Variants in COL5A1 observed in about 807,000 individuals in gnomAD.
COL5A1 encodes collagen type V alpha 1 chain, also known as collagen alpha-1(V) chain.
A neutral mutation model predicts 263.7 loss-of-function variants in COL5A1; 16 were observed. That is an observed-to-expected ratio of 0.06 (90% confidence interval 0.04 to 0.09). COL5A1 has a LOEUF of 0.09. Among genes scored for constraint, COL5A1 ranks in the 10% least tolerant of loss-of-function variants. COL5A1 has a pLI of 1.00. For missense variants in COL5A1, 2,036 were observed against 2,540.5 expected, an observed-to-expected ratio of 0.80 and a Z score of 4.27; for synonymous variants, 1,012 against 1,004.5, an observed-to-expected ratio of 1.01 and a Z score of -0.14.
intron 65 of COL5A1, among the ~76,000 whole-genome samples, chr9:134,839,922 G>T (rs1185096317): frequency 6.6e-6 from 1 of 152,270 alleles, no homozygotes; most frequent in African/African-American, 2.4e-5. Flanking sequence ...TGGGACAGCA[G>T]CATCCCAGCT....
At chr9:134,655,362 C>T (rs749334115) in intron 1 of COL5A1, among the ~76,000 whole-genome samples, 1 of 151,926 alleles carries the variant, frequency 6.6e-6, no homozygotes, top group Non-Finnish European at 1.5e-5. Context: ...CCCGGGAGGC[C>T]CCCAGCCGGG....
intron 64 of COL5A1, among the ~76,000 whole-genome samples, chr9:134,830,559 C>T (rs11103540): frequency 0.55 from 83,553 of 151,998 alleles, 24,137 homozygotes; most frequent in Non-Finnish European, 0.65. Context: ...GACACAGATC[C>T]CAGACCACTT....
chr9:134,774,228 G>T (rs764410051), intron 26 of COL5A1, among the ~76,000 whole-genome samples: 60 of 152,252 alleles, frequency 3.9e-4, no homozygotes, highest in Non-Finnish European at 6.5e-4. Flanking sequence ...GGGCCTCAGA[G>T]CTGCAGCCTT....
rs758710664 is a variant in COL5A1 at position 134,652,764 on chromosome 9, G to T, written c.109+10468G>T. The T allele has an allele frequency of 2.1e-6, 1 of 470,436 alleles. No individual in the cohort carries two copies. The allele number at this position is 470,436 out of a possible 1,614,324, so 29.1% of individuals were successfully genotyped here. A position where few individuals can be genotyped will look rare whatever the true frequency, so the allele number is the denominator to read the frequency against. ...AGGAGGGAGGGCCTCTTCTTAGGCCGGGTCCAGCGTTTCTCCTCATGGTGT... is the reference window on the plus strand; with the variant it reads ...AGGAGGGAGGGCCTCTTCTTAGGCCTGGTCCAGCGTTTCTCCTCATGGTGT... On this transcript the variant is annotated intron_variant, in intron 1 of 65. Transcript: ENST00000371817. This position sits in a 1 kb window ranked among gnomAD's most constrained non-coding sequence, Gnocchi z 4.4.
In COL5A1 at chr9:134,696,803, G is replaced by T. The variant is rs1253214813; in HGVS notation, c.278-3106G>T. Reference sequence around the variant, plus strand: ...TGAAAAGCTCTGGCCGGGCGGGGTGGCTCACACCTGTAATCCCAGCACTTT... The same window carrying T: ...TGAAAAGCTCTGGCCGGGCGGGGTGTCTCACACCTGTAATCCCAGCACTTT... On this transcript the variant is annotated intron_variant, in intron 2 of 65. Transcript: ENST00000371817. This position sits in a 1 kb window ranked among gnomAD's most constrained non-coding sequence, Gnocchi z 4.3. 2.6e-5 allele frequency among the ~76,000 whole-genome samples: 4 copies of T among 152,098 alleles called. No individual in the cohort carries two copies. The highest frequency in any genetic ancestry group is 1.9e-4 in the East Asian group (1 of 5,170).
At chr9:134,662,881 T>TTTAGATA (rs1832252101) in intron 1 of COL5A1, among the ~76,000 whole-genome samples, 1 of 152,224 alleles carries the variant, frequency 6.6e-6, no homozygotes, top group African/African-American at 2.4e-5. Flanking sequence ...CCTGGGGCTG[T>TTTAGATA]TAGCTATAGT....
Position 134,655,689 on chromosome 9 carries a change from A to T in COL5A1, c.109+13393A>T, listed in dbSNP as rs186351266. Among the ~76,000 whole-genome samples, 6 of 152,194 alleles carry T rather than the reference A, an allele frequency of 3.9e-5. No individual in the cohort carries two copies. In the East Asian group the frequency reaches 1.2e-3, roughly 29 times the overall value. On this transcript the variant is annotated intron_variant, in intron 1 of 65. Transcript: ENST00000371817. Reference sequence around the variant, plus strand: ...TGACTTGCAGGAGTCTGCTGAGCCCATGGAATTGAGCTGGGCTTGTGAAAG... The same window carrying T: ...TGACTTGCAGGAGTCTGCTGAGCCCTTGGAATTGAGCTGGGCTTGTGAAAG...
intron 4 of COL5A1, among the ~76,000 whole-genome samples, chr9:134,707,940 C>A (rs955226629): frequency 1.3e-4 from 20 of 152,280 alleles, no homozygotes; most frequent in Non-Finnish European, 2.9e-5. Flanking sequence ...CTGGCGGCTC[C>A]GGGACGTGAG....
At chr9:134,723,521 T>C (rs1017050063) in intron 4 of COL5A1, among the ~76,000 whole-genome samples, 2 of 152,236 alleles carry the variant, frequency 1.3e-5, no homozygotes, top group South Asian at 2.1e-4. Flanking sequence ...TCCTGGCCAC[T>C]GCTTCTGTGG....
intron 4 of COL5A1, among the ~76,000 whole-genome samples, chr9:134,726,892 T>A (rs1038298939): frequency 6.6e-6 from 1 of 151,354 alleles, no homozygotes; most frequent in Non-Finnish European, 1.5e-5. Context: ...GGTGAATGGA[T>A]GGATAGATGG....
In COL5A1 at chr9:134,842,484, A is replaced by G; in HGVS notation, c.*181A>G. The G allele has an allele frequency of 1.4e-6, 1 of 725,986 alleles. No homozygotes were observed. The highest frequency in any genetic ancestry group is 1.8e-5 in the South Asian group (1 of 56,582). The allele number at this position is 725,986 out of a possible 1,614,324, so 45.0% of individuals were successfully genotyped here. A position where few individuals can be genotyped will look rare whatever the true frequency, so the allele number is the denominator to read the frequency against. On this transcript the variant is annotated 3_prime_UTR_variant, in exon 66 of 66. Coordinates refer to ENST00000371817, the MANE Select transcript of COL5A1 (RefSeq NM_000093.5). This position sits in a 1 kb window ranked among gnomAD's most constrained non-coding sequence, Gnocchi z 5.8. ...CCCCAGCCCGGAGAGAACAGAGGGA[A>G]GGAGCCGCGCCCCCACCTGGAGCTG...
In COL5A1 at chr9:134,647,251, T is replaced by G. The variant is rs964607477; in HGVS notation, c.109+4955T>G. Among the ~76,000 whole-genome samples the G allele has an allele frequency of 6.6e-6, 1 of 152,158 alleles. No homozygotes were observed. Among genetic ancestry groups the G allele is most frequent in the Non-Finnish European group, 1.5e-5 (1 of 68,018 alleles). ...TTTGCCTTCCTTGGCCTCGGTTCTT[T>G]GCTTTCCCACGGAACCTCATGGGGT... On this transcript the variant is annotated intron_variant, in intron 1 of 65. Transcript: ENST00000371817. The surrounding 1 kb of genome is among the most constrained non-coding windows in gnomAD (Gnocchi z 5.0).
chr9:134,835,021 C>G lies in COL5A1; in HGVS notation c.5187C>G (p.Thr1729=). 1 of 1,613,760 alleles carries G rather than the reference C, an allele frequency of 6.2e-7. No individual in the cohort carries two copies. The highest frequency in any genetic ancestry group is 8.5e-7 in the Non-Finnish European group (1 of 1,180,042). The part of the protein sequence containing the change: ...EGNPVGVVQM[T]FLRLLSASAH... Reference sequence around the variant, plus strand: ...ACCCTGTGGGTGTGGTACAGATGACCTTCCTGCGGCTGCTGAGCGCCTCTG... The same window carrying G: ...ACCCTGTGGGTGTGGTACAGATGACGTTCCTGCGGCTGCTGAGCGCCTCTG... The change falls in exon 65 of 66, where the codon ACC becomes ACG. Residue 1729 remains threonine, a synonymous_variant. Transcript: ENST00000371817.
At chr9:134,714,070 C>A (rs906154822) in intron 4 of COL5A1, among the ~76,000 whole-genome samples, 1 of 152,204 alleles carries the variant, frequency 6.6e-6, no homozygotes, top group Non-Finnish European at 1.5e-5. Flanking sequence ...TTGAGACTTA[C>A]AGTCAGAGAC....
At chr9:134,750,190 G>A (rs1157824944) in intron 11 of COL5A1, among the ~76,000 whole-genome samples, 5 of 152,292 alleles carry the variant, frequency 3.3e-5, no homozygotes, top group South Asian at 2.1e-4. Context: ...TAAAAGGGGC[G>A]TTCCTGGAGC....
At chr9:134,763,159 C>T (rs1163987056) in intron 19 of COL5A1, among the ~76,000 whole-genome samples, 3 of 152,104 alleles carry the variant, frequency 2.0e-5, no homozygotes, top group South Asian at 4.1e-4. Context: ...ATGTGTGAGG[C>T]GGGCGGGAAG....
At chr9:134,663,158 G>A (rs544054561) in intron 1 of COL5A1, among the ~76,000 whole-genome samples, 4 of 152,342 alleles carry the variant, frequency 2.6e-5, no homozygotes, top group South Asian at 2.1e-4. Flanking sequence ...TGCATCCATC[G>A]GACGCAGCCC....
chr9:134,822,008 G>A (rs1344191075), intron 58 of COL5A1, 89 bp from the exon 59 acceptor site: 3 of 1,153,954 alleles, frequency 2.6e-6, no homozygotes, highest in Non-Finnish European at 3.9e-6. Context: ...GGACAGGGGA[G>A]CCGAGGGGTG....
intron 1 of COL5A1, among the ~76,000 whole-genome samples, chr9:134,672,252 G>A (rs1248550346): frequency 2.0e-5 from 3 of 152,188 alleles, no homozygotes; most frequent in African/African-American, 7.2e-5. Context: ...GTCCATGATA[G>A]AAGTGTTAAA....
Sources: gnomAD v4.1 joint callset for allele counts (sites outside exome capture counted in the v4.1 genomes callset) on GRCh38, gnomAD v4.1.1 for gene constraint, Gnocchi (gnomAD v3.1) non-coding constraint, MANE v1.5 for transcripts, NCBI Gene and HGNC (gene_info 2026-07-23, HGNC 2026-07-21) for gene names.